The following PEX5L variants were observed in gnomAD, a reference collection of about 807,000 sequenced individuals.
PEX5L encodes peroxisomal biogenesis factor 5 like.
PEX5L carries 30 observed loss-of-function variants against 84.0 expected under a neutral mutation model. The observed-to-expected ratio is 0.36, with a 90% CI of 0.27 to 0.48. The LOEUF (loss-of-function observed/expected upper bound fraction) is 0.48, where lower values mean the gene tolerates loss of function less well. Among genes scored for constraint, PEX5L ranks in the 20% least tolerant of loss-of-function variants. The probability of loss-of-function intolerance (pLI) is 0.99; values close to 1 mark genes in which losing one functional copy is unlikely to be tolerated. For synonymous variants in PEX5L, 270 were observed against 283.1 expected (o/e 0.95, Z 0.46); for missense variants, 533 against 754.6 (o/e 0.71, Z 3.44).
chr3:179,859,023 G>C, intron 8 of PEX5L, 39 bp downstream of exon 8: 1 of 1,314,872 alleles, frequency 7.6e-7, no homozygotes, highest in Non-Finnish European at 1.1e-6. Context: ...CCACTCTCAG[G>C]AGCATGAAAC....
intron 5 of PEX5L, among the ~76,000 whole-genome samples, chr3:179,878,139 C>CAGGTTCAAA (rs1343461384): frequency 6.6e-6 from 1 of 152,210 alleles, no homozygotes; most frequent in African/African-American, 2.4e-5. Flanking sequence ...TCAAATATAG[C>CAGGTTCAAA]AGGTTCAAAG....
chr3:179,985,028 A>G (rs1786677570), intron 1 of PEX5L, among the ~76,000 whole-genome samples: 1 of 152,200 alleles, frequency 6.6e-6, no homozygotes, highest in South Asian at 2.1e-4. Flanking sequence ...ATGGAAAAAA[A>G]TAGCTTTTTG....
intron 2 of PEX5L, among the ~76,000 whole-genome samples, chr3:179,940,301 GAGAGAGAGAAAGCTGGGA>G (rs970612557): frequency 1.3e-5 from 2 of 151,998 alleles, no homozygotes; most frequent in Admixed American, 1.3e-4. Context: ...GAGGTGGGAA[GAGAGAGAGAAAGCTGGGA>G]AGAGAAAGAA....
At chr3:179,859,297 T>G (rs1577697824) in intron 7 of PEX5L, 140 bp from the exon 8 acceptor site, 5 of 657,686 alleles carry the variant, frequency 7.6e-6, no homozygotes, top group South Asian at 7.3e-5. Flanking sequence ...TGGAGTACTG[T>G]GCTGGTATGA....
chr3:179,921,910 CT>C (rs1769558481), intron 2 of PEX5L: 1 of 152,144 alleles, frequency 6.6e-6, no homozygotes, highest in African/African-American at 2.4e-5. Context: ...TGTGTGTTTT[CT>C]TTATATTCCA....
Position 179,927,280 on chromosome 3 carries a change from T to A in PEX5L, c.94-29034A>T, listed in dbSNP as rs116022367. ...CACAGACAGGGACCCTGACTAAGTG[T>A]AGGCTCTCAGGGTAAAGACAGAGGC... On this transcript the variant is annotated intron_variant, in intron 2 of 14. Transcript: ENST00000467460. 2.5e-3 allele frequency among the ~76,000 whole-genome samples: 380 copies of A among 152,168 alleles called. 6 individuals are homozygous for A. The highest frequency in any genetic ancestry group is 8.9e-3 in the African/African-American group (369 of 41,496).
At chr3:179,970,467 G>C (rs573463454) in intron 2 of PEX5L, among the ~76,000 whole-genome samples, 2 of 152,160 alleles carry the variant, frequency 1.3e-5, no homozygotes, top group South Asian at 2.1e-4. Context: ...TTTTACCCAG[G>C]AGCAGGAGAG....
chr3:179,904,963 G>A (rs1428297957), intron 2 of PEX5L, among the ~76,000 whole-genome samples: 1 of 152,038 alleles, frequency 6.6e-6, no homozygotes, highest in African/African-American at 2.4e-5. Context: ...TAGCCCCTTT[G>A]GCTACTGCTG....
intron 9 of PEX5L, among the ~76,000 whole-genome samples, chr3:179,816,712 G>C (rs1369954561): frequency 6.6e-6 from 1 of 151,656 alleles, no homozygotes; most frequent in Non-Finnish European, 1.5e-5. Flanking sequence ...GTTCTGCACA[G>C]GTATCTCAGA....
chr3:179,880,214 T>G (rs1753757654), intron 4 of PEX5L, 91 bp from the exon 5 acceptor site: 4 of 738,548 alleles, frequency 5.4e-6, no homozygotes, highest in Non-Finnish European at 8.7e-6. Flanking sequence ...AGATTTTATG[T>G]TTGTAGGATA....
chr3:180,019,338 A>G (rs554157633), intron 1 of PEX5L, among the ~76,000 whole-genome samples: 5 of 152,178 alleles, frequency 3.3e-5, no homozygotes, highest in African/African-American at 1.2e-4. Context: ...CAGTCAACCA[A>G]CTTTTTCTGA....
intron 7 of PEX5L, among the ~76,000 whole-genome samples, chr3:179,864,031 G>A (rs555041900): frequency 3.9e-5 from 6 of 152,172 alleles, no homozygotes; most frequent in East Asian, 3.9e-4. Flanking sequence ...TTTGCCTGCT[G>A]CCATCCATGT....
At chr3:179,967,601 A>AC (rs1358853717) in intron 2 of PEX5L, among the ~76,000 whole-genome samples, 1 of 152,076 alleles carries the variant, frequency 6.6e-6, no homozygotes, top group East Asian at 1.9e-4. Context: ...CTTTAAAGGT[A>AC]CCTTTGGTTG....
At chr3:179,973,393 C>T (rs1317154586) in intron 1 of PEX5L, 3 of 1,108,568 alleles carry the variant, frequency 2.7e-6, no homozygotes, top group African/African-American at 3.3e-5. Flanking sequence ...ACTTTGTAAA[C>T]ATTGTGAAAT....
intron 5 of PEX5L, 88 bp from the exon 6 acceptor site, chr3:179,875,565 G>T (rs1044285768): frequency 6.7e-6 from 6 of 899,346 alleles, no homozygotes; most frequent in Non-Finnish European, 1.0e-5. Context: ...AGGGTGGAGC[G>T]TGTGGTGCAG....
chr3:179,919,219 T>G (rs555477569), intron 2 of PEX5L, among the ~76,000 whole-genome samples: 1 of 152,356 alleles, frequency 6.6e-6, no homozygotes, highest in African/African-American at 2.4e-5. Flanking sequence ...AAGTAGGTTC[T>G]AATACTTCCT....
chr3:179,922,137 T>C (rs558398502), intron 2 of PEX5L, among the ~76,000 whole-genome samples: 1 of 152,322 alleles, frequency 6.6e-6, no homozygotes, highest in Non-Finnish European at 1.5e-5. Context: ...GCTTGTAAGA[T>C]GATGGATCAT....
intron 1 of PEX5L, among the ~76,000 whole-genome samples, chr3:180,005,366 T>A (rs1205004658): frequency 2.0e-5 from 3 of 152,006 alleles, no homozygotes; most frequent in African/African-American, 4.8e-5. Context: ...GCTCAAGGGA[T>A]CCTCCCACCT....
intron 3 of PEX5L, among the ~76,000 whole-genome samples, chr3:179,894,600 C>A (rs1758624533): frequency 6.6e-6 from 1 of 152,050 alleles, no homozygotes; most frequent in Admixed American, 6.6e-5. Context: ...GTAATTAAGA[C>A]AATTTTTTAA....
Sources: gnomAD v4.1 joint callset for allele counts (sites outside exome capture counted in the v4.1 genomes callset) on GRCh38, gnomAD v4.1.1 for gene constraint, MANE v1.5 for transcripts, NCBI Gene and HGNC (gene_info 2026-07-23, HGNC 2026-07-21) for gene names.